The following SHISA6 variants were observed in gnomAD, a reference collection of about 807,000 sequenced individuals.
SHISA6 encodes shisa family member 6, also known as protein shisa-6.
SHISA6 carries 22 observed loss-of-function variants against 47.9 expected under a neutral mutation model. The ratio of observed to expected loss-of-function variants is 0.46; its 90% confidence interval spans 0.33 to 0.66. The LOEUF (loss-of-function observed/expected upper bound fraction) is 0.66, where lower values mean the gene tolerates loss of function less well. SHISA6 is among the 30% of genes least tolerant of loss of function. SHISA6 has a pLI of 0.02. For synonymous variants in SHISA6, 388 were observed against 337.8 expected (o/e 1.15, Z -1.63); for missense variants, 680 against 764.6 (o/e 0.89, Z 1.30).
intron 3 of SHISA6, among the ~76,000 whole-genome samples, chr17:11,442,057 T>G (rs1915108422): frequency 6.6e-6 from 1 of 152,168 alleles, no homozygotes; most frequent in Non-Finnish European, 1.5e-5. Context: ...CTGTCTTCCA[T>G]TATCCTTTTT....
intron 2 of SHISA6, among the ~76,000 whole-genome samples, chr17:11,356,427 C>T (rs1912081970): frequency 6.6e-6 from 1 of 152,202 alleles, no homozygotes; most frequent in Non-Finnish European, 1.5e-5. Context: ...ATTACTCTCT[C>T]CCCAGTCACA....
chr17:11,376,646 CCTT>C (rs1311024378), intron 2 of SHISA6, among the ~76,000 whole-genome samples: 3 of 152,154 alleles, frequency 2.0e-5, no homozygotes, highest in Non-Finnish European at 2.9e-5. Flanking sequence ...TTTAACCAGC[CCTT>C]CTTCTCTTCA....
chr17:11,304,798 C>T (rs529881069), intron 2 of SHISA6, among the ~76,000 whole-genome samples: 6 of 150,954 alleles, frequency 4.0e-5, no homozygotes, highest in African/African-American at 1.5e-4. Flanking sequence ...GAACTGTTCC[C>T]GGTAGGAGCT....
At chr17:11,276,547 T>C (rs554621456) in intron 2 of SHISA6, among the ~76,000 whole-genome samples, 1 of 152,270 alleles carries the variant, frequency 6.6e-6, no homozygotes, top group African/African-American at 2.4e-5. Flanking sequence ...CTTCTCTTTA[T>C]CTCTCTGTCT....
chr17:11,281,024 C>T (rs1909098402), intron 2 of SHISA6, among the ~76,000 whole-genome samples: 2 of 152,146 alleles, frequency 1.3e-5, no homozygotes, highest in Admixed American at 1.3e-4. Flanking sequence ...AACACCTTGT[C>T]CTACAAACTT....
intron 1 of SHISA6, among the ~76,000 whole-genome samples, chr17:11,262,717 T>C (rs1908277946): frequency 2.0e-5 from 3 of 152,244 alleles, no homozygotes; most frequent in Admixed American, 2.0e-4. Context: ...TGGCAGAGTC[T>C]CTGCCTGTCT....
intron 2 of SHISA6, among the ~76,000 whole-genome samples, chr17:11,345,704 A>G (rs948989671): frequency 6.6e-6 from 1 of 152,034 alleles, no homozygotes; most frequent in Non-Finnish European, 1.5e-5. Flanking sequence ...ATTTATTACT[A>G]GATATTTTAT....
At chr17:11,396,332 A>G (rs551032306) in intron 3 of SHISA6, among the ~76,000 whole-genome samples, 1 of 152,292 alleles carries the variant, frequency 6.6e-6, no homozygotes, top group South Asian at 2.1e-4. Context: ...ACTGGTTGAT[A>G]GTTTTCTTTC....
chr17:11,322,992 G>A (rs1910760773), intron 2 of SHISA6, among the ~76,000 whole-genome samples: 1 of 152,138 alleles, frequency 6.6e-6, no homozygotes, highest in Non-Finnish European at 1.5e-5. Context: ...GGGGAAGAAA[G>A]GAGTGATTCA....
In SHISA6 at chr17:11,514,103, C is replaced by T. The variant is rs73286857; in HGVS notation, c.896-37793C>T. ...AGTGCCTAGGGAGAGGCAGTTCTGA[C>T]TCTGCTTTGTGGCCGACTGGCACCC... On this transcript the variant is annotated intron_variant, in intron 3 of 5. Coordinates refer to ENST00000441885, the MANE Select transcript of SHISA6 (RefSeq NM_207386.4). Among the ~76,000 whole-genome samples the T allele has an allele frequency of 5.7e-3, 868 of 152,264 alleles. 6 individuals are homozygous for T. The highest frequency in any genetic ancestry group is 0.019 in the African/African-American group (782 of 41,562).
chr17:11,279,244 G>T (rs138466041), intron 2 of SHISA6, among the ~76,000 whole-genome samples: 2 of 152,156 alleles, frequency 1.3e-5, no homozygotes. Context: ...AGAGGGTGAG[G>T]CATGTAACCT....
At chr17:11,433,181 A>G (rs868524689) in intron 3 of SHISA6, among the ~76,000 whole-genome samples, 5 of 152,118 alleles carry the variant, frequency 3.3e-5, no homozygotes, top group African/African-American at 1.2e-4. Context: ...TGCTGCACCC[A>G]TCAACCCGTC....
intron 2 of SHISA6, among the ~76,000 whole-genome samples, chr17:11,355,829 A>C (rs555851354): frequency 6.6e-6 from 1 of 152,216 alleles, no homozygotes; most frequent in Non-Finnish European, 1.5e-5. Context: ...GAGAATCATC[A>C]ACAGATAATC....
intron 3 of SHISA6, among the ~76,000 whole-genome samples, chr17:11,423,086 A>C (rs1044587465): frequency 3.3e-5 from 5 of 151,920 alleles, no homozygotes; most frequent in African/African-American, 1.2e-4. Context: ...TTTTGATGCC[A>C]ATAACCTACA....
chr17:11,333,386 A>G (rs1226200952), intron 2 of SHISA6, among the ~76,000 whole-genome samples: 1 of 152,164 alleles, frequency 6.6e-6, no homozygotes, highest in Non-Finnish European at 1.5e-5. Context: ...AGTCTTGATT[A>G]CAGGCCTGGA....
intron 2 of SHISA6, among the ~76,000 whole-genome samples, chr17:11,287,521 A>G (rs188031901): frequency 1.9e-3 from 293 of 151,086 alleles, no homozygotes; most frequent in African/African-American, 5.0e-3. Context: ...CTCCATCTCT[A>G]TAAATTAGCA....
intron 2 of SHISA6, among the ~76,000 whole-genome samples, chr17:11,302,332 AC>A (rs1909956671): frequency 6.6e-6 from 1 of 152,004 alleles, no homozygotes; most frequent in Admixed American, 6.6e-5. Flanking sequence ...GCTGGAAGGA[AC>A]CTCCTAAGTT....
intron 3 of SHISA6, among the ~76,000 whole-genome samples, chr17:11,523,803 C>T (rs1170102030): frequency 1.3e-5 from 2 of 151,942 alleles, no homozygotes; most frequent in Non-Finnish European, 2.9e-5. Context: ...GTCAGGAGTT[C>T]GAGACCAGCC....
Position 11,535,016 on chromosome 17 carries a change from T to G in SHISA6, c.896-16880T>G, listed in dbSNP as rs1282149097. ...GGTGGCAGGCACCTGTAACCCCAGCTACTCGGGAGGCTGAAGCAGGAGGAT... is the reference window on the plus strand; with the variant it reads ...GGTGGCAGGCACCTGTAACCCCAGCGACTCGGGAGGCTGAAGCAGGAGGAT... On this transcript the variant is annotated intron_variant, in intron 3 of 5. Coordinates refer to ENST00000441885, the MANE Select transcript of SHISA6 (RefSeq NM_207386.4). 2.0e-5 allele frequency among the ~76,000 whole-genome samples: 3 copies of G among 152,074 alleles called. No homozygotes were observed. In the East Asian group the frequency reaches 5.8e-4, roughly 29 times the overall value.
Sources: allele counts gnomAD v4.1 joint callset (sites outside exome capture counted in the v4.1 genomes callset), GRCh38; gene constraint gnomAD v4.1.1; transcripts MANE v1.5; gene names NCBI Gene and HGNC (gene_info 2026-07-23, HGNC 2026-07-21).